ZNF705D: variants seen among roughly 807,000 people sequenced by gnomAD.
ZNF705D encodes zinc finger protein 705D.
For missense variants in ZNF705D, 6 were observed against 129.4 expected, an observed-to-expected ratio of 0.05 and a Z score of 4.63; for synonymous variants, 1 against 43.8, an observed-to-expected ratio of 0.02 and a Z score of 3.86.
chr8:12,091,799 G>C, the ZNF705D span, among the ~76,000 whole-genome samples: 98 of 26,786 alleles, frequency 3.7e-3, 6 homozygotes, highest in African/African-American at 7.3e-3. Flanking sequence ...TTTTTTTTTT[G>C]TTTTTTTTTT....
chr8:12,096,121 C>T, the ZNF705D span, among the ~76,000 whole-genome samples: 1 of 6,042 alleles, frequency 1.7e-4, no homozygotes, highest in African/African-American at 1.9e-4. Context: ...TCATTTATGT[C>T]CGAAAATATC....
chr8:12,110,205 T>G (rs1444533041), intron 2 of ZNF705D, among the ~76,000 whole-genome samples, 179 bp downstream of exon 4: 12 of 30,858 alleles, frequency 3.9e-4, no homozygotes, highest in African/African-American at 7.4e-4. Flanking sequence ...TCTTTTTATT[T>G]TATTTTATTT....
At chr8:12,090,159 C>A in the ZNF705D span, among the ~76,000 whole-genome samples, 1 of 91,882 alleles carries the variant, frequency 1.1e-5, no homozygotes, top group African/African-American at 2.7e-5. Flanking sequence ...CTCTGGCCAC[C>A]CCCCCGATGG....
At chr8:12,089,987 C>A in the ZNF705D span, among the ~76,000 whole-genome samples, 10,569 of 51,084 alleles carry the variant, frequency 0.21, 3,426 homozygotes, top group Non-Finnish European at 0.46. Context: ...TGCCTCCCGA[C>A]TGACAAAGAA....
chr8:12,090,092 T>A, the ZNF705D span, among the ~76,000 whole-genome samples: 1 of 83,050 alleles, frequency 1.2e-5, no homozygotes, highest in Non-Finnish European at 2.9e-5. Context: ...CCCATTCAAT[T>A]TTTTACAAAG....
At chr8:12,089,938 C>A in the ZNF705D span, among the ~76,000 whole-genome samples, 2 of 49,576 alleles carry the variant, frequency 4.0e-5, 1 homozygote, top group Non-Finnish European at 1.5e-4. Context: ...GTTTCCAGGC[C>A]GAAGGCGAAT....
intron 2 of ZNF705D, among the ~76,000 whole-genome samples, 172 bp from the exon 5 acceptor site, chr8:12,110,628 C>T (rs1341433749): frequency 3.7e-4 from 2 of 5,334 alleles, no homozygotes; most frequent in African/African-American, 5.3e-4. Context: ...GATTTATTTT[C>T]TAGTCTCAAG....
chr8:12,089,754 G>A, the ZNF705D span, among the ~76,000 whole-genome samples: 1 of 67,914 alleles, frequency 1.5e-5, no homozygotes, highest in Non-Finnish European at 4.1e-5. Flanking sequence ...TGCTTTGGCT[G>A]CTGTGGGGGA....
chr8:12,110,310 T>C lies in ZNF705D; in HGVS notation c.139+284T>C. Among the ~76,000 whole-genome samples, 2 of 80,326 alleles carry C rather than the reference T, an allele frequency of 2.5e-5. 1 individual carries two copies. The highest frequency in any genetic ancestry group is 6.1e-5 in the Non-Finnish European group (2 of 32,828). 52.7% of individuals were successfully genotyped at this position (80,326 alleles called of 152,430 possible). The stretch of plus-strand genomic sequence containing the variant: ...ACTCATAACAGACCTGGGAACATAA[T>C]GAATATTTTCAATGTATTAAATTAC... On this transcript the variant is annotated intron_variant, in intron 2 of 4. Transcript: ENST00000400078.
chr8:12,090,152 T>C, the ZNF705D span, among the ~76,000 whole-genome samples: 1 of 91,752 alleles, frequency 1.1e-5, no homozygotes, highest in South Asian at 6.4e-4. Context: ...CCTGCTCCTC[T>C]GGCCACCCCC....
At chr8:12,090,150 T>C in the ZNF705D span, among the ~76,000 whole-genome samples, 1 of 91,692 alleles carries the variant, frequency 1.1e-5, no homozygotes, top group South Asian at 6.4e-4. Flanking sequence ...CCCCTGCTCC[T>C]CTGGCCACCC....
the ZNF705D span, among the ~76,000 whole-genome samples, chr8:12,089,590 C>T: frequency 3.5e-4 from 20 of 56,902 alleles, 3 homozygotes; most frequent in African/African-American, 6.6e-4. Context: ...CCACCAATTC[C>T]GGACACTGTG....
chr8:12,090,074 C>A, the ZNF705D span, among the ~76,000 whole-genome samples: 7 of 79,936 alleles, frequency 8.8e-5, 2 homozygotes, highest in Non-Finnish European at 1.8e-4. Context: ...GGCCAGGAGG[C>A]TTCCAGCCCC....
upstream of ZNF705D, among the ~76,000 whole-genome samples, chr8:12,107,222 T>G (rs1245820910): frequency 1.3e-4 from 4 of 29,698 alleles, no homozygotes; most frequent in Admixed American, 2.1e-3. Context: ...CAGGAGATTT[T>G]AAGGGCTAGA....
the ZNF705D span, among the ~76,000 whole-genome samples, chr8:12,089,649 T>C: frequency 1.5e-5 from 1 of 68,242 alleles, no homozygotes; most frequent in Non-Finnish European, 3.9e-5. Context: ...AGATCGTATG[T>C]TCTTTGTCTT....
At chr8:12,090,140 C>T in the ZNF705D span, among the ~76,000 whole-genome samples, 5 of 90,596 alleles carry the variant, frequency 5.5e-5, 2 homozygotes, top group South Asian at 3.3e-3. Context: ...GAAGTTTTAC[C>T]CCCTGCTCCT....
chr8:12,109,449 G>A (rs1176171077), intron 1 of ZNF705D, among the ~76,000 whole-genome samples: 2 of 86,920 alleles, frequency 2.3e-5, no homozygotes, highest in African/African-American at 5.8e-5. Flanking sequence ...CCATTTGATT[G>A]GGGAGAAACC....
chr8:12,089,580 C>T, the ZNF705D span, among the ~76,000 whole-genome samples: 2 of 55,544 alleles, frequency 3.6e-5, no homozygotes, highest in African/African-American at 6.7e-5. Context: ...GACCAAGAAC[C>T]CACCAATTCC....
chr8:12,090,390 A>G, the ZNF705D span, among the ~76,000 whole-genome samples: 1 of 33,962 alleles, frequency 2.9e-5, no homozygotes, highest in African/African-American at 5.3e-5. Context: ...TTCCGTGGTT[A>G]GGGGACTTAA....
Sources: gnomAD v4.1 joint callset for allele counts (sites outside exome capture counted in the v4.1 genomes callset) on GRCh38, gnomAD v4.1.1 for gene constraint, MANE v1.5 for transcripts, NCBI Gene and HGNC (gene_info 2026-07-23, HGNC 2026-07-21) for gene names.